The following PTPRG variants were observed in gnomAD, a reference collection of about 807,000 sequenced individuals.
PTPRG encodes protein tyrosine phosphatase receptor type G.
Under a neutral mutation model 165.3 loss-of-function variants are expected in PTPRG, and 102 were observed. The observed-to-expected ratio is 0.62, with a 90% CI of 0.53 to 0.73. The LOEUF (loss-of-function observed/expected upper bound fraction) is 0.73. Among genes scored for constraint, PTPRG ranks in the 30% least tolerant of loss-of-function variants. The probability of loss-of-function intolerance (pLI) is 0.00; values close to 1 mark genes in which losing one functional copy is unlikely to be tolerated. For missense variants in PTPRG, 1,866 were observed against 1,861.4 expected (o/e 1.00, Z -0.05); for synonymous variants, 675 against 669.5 (o/e 1.01, Z -0.13).
In PTPRG at chr3:62,240,997, G is replaced by A. The variant is rs1333520081; in HGVS notation, c.2376-2810G>A. 6.6e-6 allele frequency among the ~76,000 whole-genome samples: 1 copy of A among 152,164 alleles called. No homozygotes were observed. The highest frequency in any genetic ancestry group is 1.5e-5 in the Non-Finnish European group (1 of 68,042). Reference sequence around the variant, plus strand: ...ATCATTGTGCTCCCAGCTCCTCACTGCAGATAGATCAAGGAATAGTGAATA... The same window carrying A: ...ATCATTGTGCTCCCAGCTCCTCACTACAGATAGATCAAGGAATAGTGAATA... On this transcript the variant is annotated intron_variant, in intron 14 of 29. Transcript: ENST00000474889. This position sits in a 1 kb window ranked among gnomAD's most constrained non-coding sequence, Gnocchi z 5.1.
intron 1 of PTPRG, among the ~76,000 whole-genome samples, chr3:61,733,995 C>G (rs1052693514): frequency 1.8e-4 from 28 of 152,056 alleles, no homozygotes; most frequent in Non-Finnish European, 3.2e-4. Flanking sequence ...ATGGGTCTAT[C>G]ATGTTTCCCA....
intron 4 of PTPRG, among the ~76,000 whole-genome samples, chr3:62,011,777 TAA>T: frequency 6.6e-6 from 1 of 152,318 alleles, no homozygotes; most frequent in Non-Finnish European, 1.5e-5. Flanking sequence ...TTTTGTGAGG[TAA>T]AACAGCTTTG....
At chr3:61,567,082 T>C (rs1284071017) in intron 1 of PTPRG, among the ~76,000 whole-genome samples, 1 of 152,232 alleles carries the variant, frequency 6.6e-6, no homozygotes, top group African/African-American at 2.4e-5. Context: ...TGGTTTGCTT[T>C]GGTTCAGAGT....
intron 4 of PTPRG, among the ~76,000 whole-genome samples, chr3:62,043,965 T>A (rs1700207403): frequency 6.6e-6 from 1 of 152,180 alleles, no homozygotes; most frequent in South Asian, 2.1e-4. Context: ...CATGAAAGAC[T>A]GTGGTGAAAA....
intron 2 of PTPRG, among the ~76,000 whole-genome samples, chr3:61,921,431 G>A (rs946206786): frequency 2.0e-5 from 3 of 152,002 alleles, no homozygotes; most frequent in East Asian, 1.9e-4. Flanking sequence ...CAGGTTAAGC[G>A]TCCCTAATCT....
At position 62,172,882 on chromosome 3, in the gene PTPRG, G is replaced by A. The variant is rs139874943; in HGVS notation, c.1033+4719G>A. ...AGCTATGATGTTTTATGCATTCATC[G>A]GGCTGTTGTCACAGAAGAAGGAAAA... On this transcript the variant is annotated intron_variant, in intron 8 of 29. Transcript: ENST00000474889. Among the ~76,000 whole-genome samples the A allele has an allele frequency of 5.5e-4, 84 of 152,282 alleles. 1 individual carries two copies. In the East Asian group the frequency reaches 0.011, roughly 19 times the overall value.
Position 61,730,551 on chromosome 3 carries a change from G to T in PTPRG, c.86-18327G>T, listed in dbSNP as rs928922204. Among the ~76,000 whole-genome samples, 3 of 152,182 alleles carry T rather than the reference G, an allele frequency of 2.0e-5. No individual in the cohort carries two copies. The East Asian group carries it at 5.8e-4, about 29-fold the overall frequency. Reference sequence around the variant, plus strand: ...CACTTGCATCTGATCACAGGAGTTTGTTAAAAATATTGTCTCAAGCCTCAC... The same window carrying T: ...CACTTGCATCTGATCACAGGAGTTTTTTAAAAATATTGTCTCAAGCCTCAC... On this transcript the variant is annotated intron_variant, in intron 1 of 29. Coordinates refer to ENST00000474889, the MANE Select transcript of PTPRG (RefSeq NM_002841.4).
intron 5 of PTPRG, among the ~76,000 whole-genome samples, chr3:62,112,949 C>G (rs1702723746): frequency 1.3e-5 from 2 of 152,172 alleles, no homozygotes; most frequent in African/African-American, 4.8e-5. Context: ...AGGTCTCTTT[C>G]ACCTTTCGGA....
chr3:62,269,391 C>A (rs1701988192), intron 20 of PTPRG, among the ~76,000 whole-genome samples: 1 of 152,138 alleles, frequency 6.6e-6, no homozygotes, highest in African/African-American at 2.4e-5. Context: ...TTAATCTCTA[C>A]ATGAACAGGC....
At chr3:62,056,210 G>A (rs1575945291) in intron 4 of PTPRG, among the ~76,000 whole-genome samples, 2 of 152,328 alleles carry the variant, frequency 1.3e-5, no homozygotes, top group Non-Finnish European at 1.5e-5. Context: ...GGTAAGAAGT[G>A]TTAGTCCAGT....
chr3:61,916,385 A>C (rs1003206584), intron 2 of PTPRG, among the ~76,000 whole-genome samples: 56 of 152,122 alleles, frequency 3.7e-4, no homozygotes, highest in African/African-American at 1.3e-3. Context: ...TGAAAATTCT[A>C]ATTTTCGTGT....
chr3:61,591,799 T>TG (rs1214722135), intron 1 of PTPRG, among the ~76,000 whole-genome samples: 20 of 152,266 alleles, frequency 1.3e-4, no homozygotes, highest in Admixed American at 2.0e-4. Flanking sequence ...ACAAGGGCTT[T>TG]GGAACTGGTA....
chr3:62,061,633 T>TTTTC (rs1491307163), intron 4 of PTPRG, among the ~76,000 whole-genome samples: 1 of 13,082 alleles, frequency 7.6e-5, no homozygotes, highest in Non-Finnish European at 3.0e-4. Flanking sequence ...TTTTCTTTTC[T>TTTTC]TTTTTTTTTT....
chr3:61,783,583 G>C (rs1376982744), intron 2 of PTPRG, among the ~76,000 whole-genome samples: 1 of 152,170 alleles, frequency 6.6e-6, no homozygotes, highest in Non-Finnish European at 1.5e-5. Context: ...TGATATGTGT[G>C]CTGTGGTTGA....
chr3:62,182,659 C>CTTTGTTTG (rs148648975), intron 8 of PTPRG, among the ~76,000 whole-genome samples: 2 of 152,146 alleles, frequency 1.3e-5, no homozygotes, highest in East Asian at 2.0e-4. Flanking sequence ...GTAACTAATT[C>CTTTGTTTG]TTTGTTTGTT....
intron 2 of PTPRG, among the ~76,000 whole-genome samples, chr3:61,760,634 TG>T (rs1165342440): frequency 6.6e-6 from 1 of 152,192 alleles, no homozygotes; most frequent in African/African-American, 2.4e-5. Context: ...CAGGGGTACT[TG>T]TACAGGATGT....
intron 4 of PTPRG, among the ~76,000 whole-genome samples, chr3:62,018,493 CTCTT>C (rs2041605497): frequency 6.6e-6 from 1 of 152,176 alleles, no homozygotes; most frequent in Non-Finnish European, 1.5e-5. Context: ...TGTCACCACT[CTCTT>C]TCCAGTTGGC....
At chr3:62,090,266 C>G (rs866625587) in intron 5 of PTPRG, among the ~76,000 whole-genome samples, 1 of 152,146 alleles carries the variant, frequency 6.6e-6, no homozygotes, top group Non-Finnish European at 1.5e-5. Flanking sequence ...GAACACCATT[C>G]TAATGAGGTT....
chr3:61,885,922 C>T (rs1354624390), intron 2 of PTPRG, among the ~76,000 whole-genome samples: 1 of 150,784 alleles, frequency 6.6e-6, no homozygotes, highest in African/African-American at 2.4e-5. Context: ...TCTTATTCAG[C>T]CAGCTACACT....
Sources: allele counts gnomAD v4.1 joint callset (sites outside exome capture counted in the v4.1 genomes callset), GRCh38; gene constraint gnomAD v4.1.1; non-coding constraint Gnocchi (gnomAD v3.1); transcripts MANE v1.5; gene names NCBI Gene and HGNC (gene_info 2026-07-23, HGNC 2026-07-21).